Variants in ZNF71 observed in about 807,000 individuals in gnomAD.
ZNF71 encodes the protein zinc finger protein 71.
Under a neutral mutation model 6.7 loss-of-function variants are expected in ZNF71, and 3 were observed. The observed-to-expected ratio is 0.45, with a 90% confidence interval of 0.20 to 1.16. The LOEUF (loss-of-function observed/expected upper bound fraction) is 1.16, where lower values mean the gene tolerates loss of function less well. ZNF71 is among the 50% of genes most tolerant of loss of function. The pLI is 0.25. For missense variants in ZNF71, 688 were observed against 728.6 expected, an observed-to-expected ratio of 0.94 and a Z score of 0.64; for synonymous variants, 343 against 311.1, an observed-to-expected ratio of 1.10 and a Z score of -1.08.
In ZNF71 at chr19:56,622,040, C is replaced by A. The variant is rs1426743511; in HGVS notation, c.933C>A (p.Phe311Leu). ...PYACGDCGKA[F>L]SQNMHLIVHQ... is the part of the protein sequence containing the mutation. The stretch of plus-strand genomic sequence containing the variant: ...CGTGCGGGGACTGCGGCAAGGCCTT[C>A]AGCCAGAACATGCACCTCATCGTGC... Residue 311 changes from phenylalanine to leucine, a missense_variant, in exon 4 of 4, where the codon TTC becomes TTA. Phe to Leu is a conservative substitution (Grantham distance 22, BLOSUM62 0). Coordinates refer to ENST00000599599, the MANE Select transcript of ZNF71 (RefSeq NM_001370215.1). The A allele has an allele frequency of 6.2e-7, 1 of 1,613,026 alleles. No homozygotes were observed. Among genetic ancestry groups the A allele is most frequent in the Admixed American group, 1.7e-5 (1 of 60,002 alleles).
chr19:56,595,851 G>T (rs901789819), intron 1 of ZNF71, among the ~76,000 whole-genome samples: 3 of 132,146 alleles, frequency 2.3e-5, no homozygotes, highest in African/African-American at 9.2e-5. Flanking sequence ...GTGTGTGTGT[G>T]TTTGTGTGTG....
In ZNF71 at chr19:56,621,848, C is replaced by T; in HGVS notation, c.741C>T (p.Ala247=). ...TGCACACGGGCGAGAAGCCCTATGC[C>T]TGCGGGGACTGCGGCAAGGCCTTCA... is the stretch of plus-strand genomic sequence containing the variant. The part of the protein sequence containing the change: ...QRVHTGEKPY[A]CGDCGKAFSQ... The change falls in exon 4 of 4, where the codon GCC becomes GCT. Residue 247 remains alanine, a synonymous_variant. Coordinates refer to ENST00000599599, the MANE Select transcript of ZNF71 (RefSeq NM_001370215.1). 3 of 1,610,194 alleles carry T rather than the reference C, an allele frequency of 1.9e-6. No homozygotes were observed. Among genetic ancestry groups the T allele is most frequent in the African/African-American group, 1.3e-5 (1 of 74,510 alleles).
chr19:56,595,469 G>GGGCGCAGGAGAGGGCGTGCA, intron 1 of ZNF71, 41 bp downstream of exon 1: 1 of 158,066 alleles, frequency 6.3e-6, no homozygotes, highest in Admixed American at 6.5e-5. Context: ...CAGGGCGTGC[G>GGGCGCAGGAGAGGGCGTGCA]GGCGCAGGAG....
intron 2 of ZNF71, among the ~76,000 whole-genome samples, chr19:56,611,805 G>A (rs2148012872): frequency 6.6e-6 from 1 of 152,322 alleles, no homozygotes; most frequent in South Asian, 2.1e-4. Context: ...GGAAGTCCCT[G>A]ATCAAAGTAT....
In ZNF71 at chr19:56,608,964, A is replaced by G. The variant is rs182982054; in HGVS notation, c.34-4848A>G. ...GGCCATGGGGGTAGGCTATTATTTA[A>G]TGAATCCCATGACATGGATGTTATG... On this transcript the variant is annotated intron_variant, in intron 2 of 3. Coordinates refer to ENST00000599599, the MANE Select transcript of ZNF71 (RefSeq NM_001370215.1). 7.3e-4 allele frequency among the ~76,000 whole-genome samples: 111 copies of G among 152,332 alleles called. 1 individual carries two copies. Among genetic ancestry groups the G allele is most frequent in the African/African-American group, 2.5e-3 (102 of 41,576 alleles).
intron 2 of ZNF71, among the ~76,000 whole-genome samples, chr19:56,606,261 A>G (rs1024387543): frequency 1.3e-5 from 2 of 152,176 alleles, no homozygotes; most frequent in East Asian, 1.9e-4. Context: ...ATATTCGTCA[A>G]ATGAATACAT....
chr19:56,622,669 C>T lies in ZNF71; in HGVS notation c.1562C>T (p.Thr521Met). The T allele has an allele frequency of 6.2e-7, 1 of 1,614,176 alleles. No homozygotes were observed. Among genetic ancestry groups the T allele is most frequent in the Non-Finnish European group, 8.5e-7 (1 of 1,180,010 alleles). The change falls in exon 4 of 4, where the codon ACG becomes ATG. Residue 521 changes from threonine to methionine, a missense_variant. By Grantham distance (81) the Thr-to-Met change is moderately conservative (BLOSUM62 -1). Transcript: ENST00000599599. ...SSLTVHQRIH[T>M]GEKPYRCGEC... Reference sequence around the variant, plus strand: ...CTCACTGTGCACCAGCGGATCCACACGGGCGAGAAGCCCTACCGATGCGGC... The same window carrying T: ...CTCACTGTGCACCAGCGGATCCACATGGGCGAGAAGCCCTACCGATGCGGC...
Position 56,621,302 on chromosome 19 carries a change from T to C in ZNF71, c.195T>C (p.Asp65=). The change falls in exon 4 of 4, where the codon GAT becomes GAC. Residue 65 remains aspartate (D), a synonymous_variant. Transcript: ENST00000599599. ...WETRPEMKEL[D]PKNDISEDKL... ...CTAGACCTGAAATGAAAGAGTTGGATCCAAAGAATGACATTTCGGAAGACA... is the reference window on the plus strand; with the variant it reads ...CTAGACCTGAAATGAAAGAGTTGGACCCAAAGAATGACATTTCGGAAGACA... 5.9e-6 allele frequency: 9 copies of C among 1,521,704 alleles called. No homozygotes were observed. The highest frequency in any genetic ancestry group is 7.9e-6 in the Non-Finnish European group (9 of 1,136,480). The allele number at this position is 1,521,704 out of a possible 1,614,324, so 94.3% of individuals were successfully genotyped here.
chr19:56,606,204 T>C (rs959482956), intron 2 of ZNF71, among the ~76,000 whole-genome samples: 1 of 152,202 alleles, frequency 6.6e-6, no homozygotes, highest in Non-Finnish European at 1.5e-5. Context: ...GTCTGTCTTA[T>C]TCACAGTTGT....
At position 56,621,491 on chromosome 19, in the gene ZNF71, AG is replaced by A; in HGVS notation, c.389del (p.Gly130AlafsTer9). The A allele has an allele frequency of 6.2e-7, 1 of 1,614,132 alleles. No individual in the cohort carries two copies. Among genetic ancestry groups the A allele is most frequent in the Non-Finnish European group, 8.5e-7 (1 of 1,180,018 alleles). ...GAATTCCCCAGGGGAACAAACTCTTAGGGGGCTCAGTACCCGCATGTCATGA... is the reference window on the plus strand; with the variant it reads ...GAATTCCCCAGGGGAACAAACTCTTAGGGGCTCAGTACCCGCATGTCATGA... Reference protein sequence around the residue: ...LGIPQGNKLLGGSVPACHELK... With the variant: ...LGIPQGNKLLXGSVPACHELK... On this transcript the variant is annotated frameshift_variant, in exon 4 of 4. Transcript: ENST00000599599. LOFTEE classifies it low-confidence loss of function (END_TRUNC).
rs1423249690 is a variant in ZNF71 at position 56,622,578 on chromosome 19, A to C, written c.1471A>C (p.Ile491Leu). ...CGCCTACCTCATCGAGCACCAGCGGATCCACACCGGCGAGAAGCCGTACAG... is the reference window on the plus strand; with the variant it reads ...CGCCTACCTCATCGAGCACCAGCGGCTCCACACCGGCGAGAAGCCGTACAG... The part of the protein sequence containing the change: ...QSAYLIEHQR[I>L]HTGEKPYRCG... The change falls in exon 4 of 4, where the codon ATC becomes CTC. Residue 491 changes from isoleucine to leucine, a missense_variant. Coordinates refer to ENST00000599599, the MANE Select transcript of ZNF71 (RefSeq NM_001370215.1). 10 of 1,613,124 alleles carry C rather than the reference A, an allele frequency of 6.2e-6. No individual in the cohort carries two copies. Among genetic ancestry groups the C allele is most frequent in the African/African-American group, 1.3e-5 (1 of 74,740 alleles).
At chr19:56,596,097 T>A (rs1476290067) in intron 1 of ZNF71, among the ~76,000 whole-genome samples, 2 of 151,990 alleles carry the variant, frequency 1.3e-5, no homozygotes, top group African/African-American at 4.8e-5. Context: ...ACTGCCTGTG[T>A]CCTTGTCTTT....
chr19:56,595,887 G>GTGTGTGTA (rs1445563116), intron 1 of ZNF71, among the ~76,000 whole-genome samples: 1 of 147,204 alleles, frequency 6.8e-6, no homozygotes, highest in Non-Finnish European at 1.5e-5. Context: ...GTGTGTGTGT[G>GTGTGTGTA]TATGAGACAG....
At chr19:56,617,193 C>T (rs2148017262) in intron 3 of ZNF71, among the ~76,000 whole-genome samples, 1 of 149,786 alleles carries the variant, frequency 6.7e-6, no homozygotes, top group Non-Finnish European at 1.5e-5. Context: ...TCACTGCAAC[C>T]TCCGCCTCCC....
chr19:56,612,509 T>A (rs2044759500), intron 2 of ZNF71, among the ~76,000 whole-genome samples: 1 of 152,170 alleles, frequency 6.6e-6, no homozygotes, highest in East Asian at 1.9e-4. Flanking sequence ...TTATCATAAG[T>A]TAAGTAACTC....
chr19:56,611,691 A>G (rs998804624), intron 2 of ZNF71, among the ~76,000 whole-genome samples: 1 of 152,260 alleles, frequency 6.6e-6, no homozygotes, highest in African/African-American at 2.4e-5. Context: ...GACTGAATCA[A>G]TATGTGCCAG....
In ZNF71 at chr19:56,613,805, C is replaced by T; in HGVS notation, c.34-7C>T. ...TGCGATGAGCGGATGTGGGTTTCCT[C>T]TTACAGGAATCAGTGACGTTCAGGG... On this transcript the variant is annotated splice_polypyrimidine_tract_variant and splice_region_variant and intron_variant, in intron 2 of 3. Coordinates refer to ENST00000599599, the MANE Select transcript of ZNF71 (RefSeq NM_001370215.1). This position sits in a 1 kb window ranked among gnomAD's most constrained non-coding sequence, Gnocchi z 4.6. 1 of 1,104,798 alleles carries T rather than the reference C, an allele frequency of 9.1e-7. No homozygotes were observed. The highest frequency in any genetic ancestry group is 1.1e-6 in the Non-Finnish European group (1 of 889,492). The allele number at this position is 1,104,798 out of a possible 1,614,324, so 68.4% of individuals were successfully genotyped here. A position where few individuals can be genotyped will look rare whatever the true frequency, so the allele number is the denominator to read the frequency against.
In ZNF71 at chr19:56,616,311, C is replaced by T. The variant is rs552486545; in HGVS notation, c.160+2373C>T. 2.0e-5 allele frequency among the ~76,000 whole-genome samples: 3 copies of T among 152,304 alleles called. No homozygotes were observed. In the East Asian group the frequency reaches 5.8e-4, roughly 29 times the overall value. On this transcript the variant is annotated intron_variant, in intron 3 of 3. Coordinates refer to ENST00000599599, the MANE Select transcript of ZNF71 (RefSeq NM_001370215.1). ...TGAAAAGACCACTTTCTCCAATCGC[C>T]TTTGCATTTTTATCAAAAATCACTT...
intron 1 of ZNF71, among the ~76,000 whole-genome samples, chr19:56,601,068 C>T (rs969165133): frequency 1.3e-5 from 2 of 152,080 alleles, no homozygotes; most frequent in African/African-American, 4.8e-5. Flanking sequence ...TGTCCGGTGG[C>T]CCTCAGCAGC....
Sources: gnomAD v4.1 joint callset for allele counts (sites outside exome capture counted in the v4.1 genomes callset) on GRCh38, gnomAD v4.1.1 for gene constraint, Gnocchi (gnomAD v3.1) non-coding constraint, MANE v1.5 for transcripts, NCBI Gene and HGNC (gene_info 2026-07-23, HGNC 2026-07-21) for gene names.